Variants in CFAP70 observed in about 807,000 individuals in gnomAD.
The protein encoded by CFAP70 is cilia- and flagella-associated protein 70.
In CFAP70, 81 loss-of-function variants were observed where a neutral mutation model predicts 137.6. The ratio of observed to expected loss-of-function variants is 0.59; its 90% CI spans 0.49 to 0.71. CFAP70 has a LOEUF of 0.71. CFAP70 is among the 30% of genes least tolerant of loss of function. CFAP70 has a pLI of 0.00. For synonymous variants in CFAP70, 382 were observed against 423.6 expected (o/e 0.90, Z 1.20); for missense variants, 976 against 1,226.7 (o/e 0.80, Z 3.05).
chr10:73,292,026 G>A lies in CFAP70; in HGVS notation c.1771-12C>T. 1 of 1,613,634 alleles carries A rather than the reference G, an allele frequency of 6.2e-7. No homozygotes were observed. On this transcript the variant is annotated splice_polypyrimidine_tract_variant and intron_variant, in intron 16 of 26. Transcript: ENST00000310715. ...TCACGGACCAATCTCTAAGCATCAGGAGAGCCAAGGTTATTGTGATACTAT... is the reference window on the plus strand; with the variant it reads ...TCACGGACCAATCTCTAAGCATCAGAAGAGCCAAGGTTATTGTGATACTAT...
intron 5 of CFAP70, among the ~76,000 whole-genome samples, chr10:73,343,224 AAAG>A (rs1286510559): frequency 5.7e-4 from 87 of 151,750 alleles, no homozygotes; most frequent in African/African-American, 2.0e-3. Context: ...AAAAAAAAAA[AAAG>A]AGAAAGAAAA....
chr10:73,330,340 C>T (rs188505650), intron 8 of CFAP70, among the ~76,000 whole-genome samples: 110 of 151,302 alleles, frequency 7.3e-4, no homozygotes, highest in African/African-American at 2.5e-3. Context: ...ATCCCAGCTA[C>T]TCAGGAGGCT....
At chr10:73,319,234 AGGATCAGCCGGCACTCAGATCAGCTGAAT>A (rs1184435190) in intron 9 of CFAP70, among the ~76,000 whole-genome samples, 1 of 152,152 alleles carries the variant, frequency 6.6e-6, no homozygotes, top group Admixed American at 6.5e-5. Context: ...AACCACTGAA[AGGATCAGCCGGCACTCAGATCAGCTGAAT>A]GGATCAGCCT....
chr10:73,317,524 AT>A, intron 9 of CFAP70, among the ~76,000 whole-genome samples: 1 of 152,050 alleles, frequency 6.6e-6, no homozygotes, highest in African/African-American at 2.4e-5. Flanking sequence ...ATTTGACTAT[AT>A]ATAATGTGTA....
intron 6 of CFAP70, among the ~76,000 whole-genome samples, chr10:73,336,289 A>C (rs932126051): frequency 6.6e-6 from 1 of 152,216 alleles, no homozygotes; most frequent in Non-Finnish European, 1.5e-5. Flanking sequence ...AGAATTAACA[A>C]TCTAAACTGA....
chr10:73,314,918 T>G (rs113523925), intron 9 of CFAP70, among the ~76,000 whole-genome samples: 16,032 of 151,154 alleles, frequency 0.11, 1,222 homozygotes, highest in East Asian at 0.31. Flanking sequence ...GTTCACTACT[T>G]TTTTTAAAAA....
chr10:73,308,545 T>C lies in CFAP70; in HGVS notation c.1256+1613A>G, dbSNP rs2049600302. ...CAGGAGGCTGAGGCAGGAGAATCACTTGAACCCAGGAGGCAGAGGTTGCCA... is the reference window on the plus strand; with the variant it reads ...CAGGAGGCTGAGGCAGGAGAATCACCTGAACCCAGGAGGCAGAGGTTGCCA... On this transcript the variant is annotated intron_variant, in intron 12 of 26. Transcript: ENST00000310715. 4.6e-5 allele frequency among the ~76,000 whole-genome samples: 7 copies of C among 151,296 alleles called. No individual in the cohort carries two copies. The South Asian group carries it at 1.5e-3, about 32-fold the overall frequency.
At chr10:73,337,550 A>T (rs11000613) in intron 6 of CFAP70, among the ~76,000 whole-genome samples, 16,084 of 152,154 alleles carry the variant, frequency 0.11, 1,234 homozygotes, top group East Asian at 0.31. Flanking sequence ...CCCAACAGAT[A>T]CTAGTTCTGA....
intron 19 of CFAP70, among the ~76,000 whole-genome samples, chr10:73,286,733 G>C (rs2047746418): frequency 6.6e-6 from 1 of 152,130 alleles, no homozygotes; most frequent in African/African-American, 2.4e-5. Flanking sequence ...TGGAAAATTG[G>C]GGCTGACAGC....
intron 3 of CFAP70, among the ~76,000 whole-genome samples, chr10:73,352,630 C>T (rs1330170478): frequency 6.6e-6 from 1 of 152,106 alleles, no homozygotes; most frequent in African/African-American, 2.4e-5. Context: ...CTTTCAGAGT[C>T]TCTTATGTTT....
rs1378824504 is a variant in CFAP70 at position 73,326,991 on chromosome 10, GC to G, written c.778-3895del. ...AATCCTCCCTAACTCATTTTATGAG[GC>G]CAGCATCATCCTGATACCAAAGCCT... On this transcript the variant is annotated intron_variant, in intron 8 of 26. Transcript: ENST00000310715. Among the ~76,000 whole-genome samples, 23 of 151,622 alleles carry G rather than the reference GC, an allele frequency of 1.5e-4. No homozygotes were observed. The South Asian group carries it at 4.8e-3, about 32-fold the overall frequency.
exon 24 of CFAP70, chr10:73,272,987 C>A: frequency 6.4e-7 from 1 of 1,552,398 alleles, no homozygotes; most frequent in Non-Finnish European, 8.7e-7. Flanking sequence ...CTCTTACAGG[C>A]TTGCATATAG....
At chr10:73,291,333 C>G in exon 19 of CFAP70, 1 of 1,614,194 alleles carries the variant, frequency 6.2e-7, no homozygotes, top group Non-Finnish European at 8.5e-7. Flanking sequence ...TACACCAGTG[C>G]TCTTTTGCTT....
At chr10:73,329,641 G>A (rs1177172305) in intron 8 of CFAP70, among the ~76,000 whole-genome samples, 1 of 152,038 alleles carries the variant, frequency 6.6e-6, no homozygotes, top group Admixed American at 6.6e-5. Context: ...AGAAAGTGAA[G>A]CTTTATAAAA....
chr10:73,354,864 C>G, intron 1 of CFAP70, 29 bp from the exon 2 acceptor site: 1 of 1,346,594 alleles, frequency 7.4e-7, no homozygotes, highest in South Asian at 1.2e-5. Context: ...AACCTGTCCC[C>G]TCATGTACCA....
intron 19 of CFAP70, among the ~76,000 whole-genome samples, chr10:73,285,472 T>C (rs571278907): frequency 1.3e-5 from 2 of 152,208 alleles, no homozygotes; most frequent in African/African-American, 4.8e-5. Flanking sequence ...ACTGGGTCAT[T>C]CAGACCAATT....
At chr10:73,279,928 GA>G (rs963980584) in intron 19 of CFAP70, among the ~76,000 whole-genome samples, 39 of 147,384 alleles carry the variant, frequency 2.6e-4, no homozygotes, top group South Asian at 2.1e-4. Flanking sequence ...GTAAGTATAT[GA>G]AAAAAAAAAG....
At position 73,275,433 on chromosome 10, in the gene CFAP70, C is replaced by T; in HGVS notation, c.2673+13G>A. 1 of 1,580,288 alleles carries T rather than the reference C, an allele frequency of 6.3e-7. No homozygotes were observed. Among genetic ancestry groups the T allele is most frequent in the Non-Finnish European group, 8.6e-7 (1 of 1,166,212 alleles). Reference sequence around the variant, plus strand: ...CTTCTCCAGACTCAAGAGGCTTTAGCAAAAGTCATTACCAGGTAGTCCATC... The same window carrying T: ...CTTCTCCAGACTCAAGAGGCTTTAGTAAAAGTCATTACCAGGTAGTCCATC... On this transcript the variant is annotated intron_variant, in intron 22 of 26. Coordinates refer to ENST00000310715, the Ensembl canonical transcript of CFAP70. The surrounding 1 kb of genome is among the most constrained non-coding windows in gnomAD (Gnocchi z 4.0).
chr10:73,286,916 A>G (rs575621134), intron 19 of CFAP70, among the ~76,000 whole-genome samples: 104 of 152,366 alleles, frequency 6.8e-4, no homozygotes, highest in Non-Finnish European at 1.4e-3. Context: ...CAGCAGAAAC[A>G]TGTCCTTAAG....
Sources: allele counts gnomAD v4.1 joint callset (sites outside exome capture counted in the v4.1 genomes callset), GRCh38; gene constraint gnomAD v4.1.1; non-coding constraint Gnocchi (gnomAD v3.1); transcripts MANE v1.5; gene names NCBI Gene and HGNC (gene_info 2026-07-23, HGNC 2026-07-21).